SCML1: variants seen among roughly 807,000 people sequenced by gnomAD.
The protein encoded by SCML1 is Scm polycomb group protein like 1, also known as sex comb on midleg-like protein 1.
For synonymous variants in SCML1, 104 were observed against 103.6 expected, an observed-to-expected ratio of 1.00 and a Z score of -0.02; for missense variants, 137 against 258.1, an observed-to-expected ratio of 0.53 and a Z score of 3.22.
chrX:17,748,117 G>A (rs2066660445), intron 4 of SCML1, among the ~76,000 whole-genome samples: 1 of 111,728 alleles, frequency 9.0e-6, no homozygotes, highest in African/African-American at 3.3e-5. Flanking sequence ...GAGCTTACAG[G>A]TGATGTTGAT....
At chrX:17,740,104 T>A (rs750617060) in intron 1 of SCML1, among the ~76,000 whole-genome samples, 141 of 111,593 alleles carry the variant, frequency 1.3e-3, no homozygotes, top group African/African-American at 4.5e-3. Flanking sequence ...ACTGTGTAAT[T>A]TTTGGCCTAA....
At chrX:17,738,487 C>T (rs756037776) in intron 1 of SCML1, among the ~76,000 whole-genome samples, 12 of 112,590 alleles carry the variant, frequency 1.1e-4, no homozygotes, top group African/African-American at 3.2e-4. Context: ...CTCACTTGTC[C>T]GGCCTGCGGC....
Position 17,749,615 on chromosome X carries a change from T to C in SCML1, c.303+111T>C, listed in dbSNP as rs780600897. 6 of 515,799 alleles carry C rather than the reference T, an allele frequency of 1.2e-5. No homozygotes were observed. The East Asian group carries it at 2.2e-4, about 19-fold the overall frequency. The allele number at this position is 515,799 out of a possible 1,213,427, so 42.5% of individuals were successfully genotyped here. A position where few individuals can be genotyped will look rare whatever the true frequency, so the allele number is the denominator to read the frequency against. On this transcript the variant is annotated intron_variant, in intron 5 of 7. Transcript: ENST00000380041. ...GTATCTGTGTGAGATTAGCAAGGCA[T>C]GTCTATACTTGTAACAGTAGATGGA...
chrX:17,745,555 A>G lies in SCML1; in HGVS notation c.117+16A>G. On this transcript the variant is annotated intron_variant, in intron 3 of 7. Coordinates refer to ENST00000380041, the MANE Select transcript of SCML1 (RefSeq NM_001037540.3). Reference sequence around the variant, plus strand: ...TGTCAATAAAGTATGTTAATTGCTAATTGCCAAATATATTAACATTTGCTG... The same window carrying G: ...TGTCAATAAAGTATGTTAATTGCTAGTTGCCAAATATATTAACATTTGCTG... 2 of 899,036 alleles carry G rather than the reference A, an allele frequency of 2.2e-6. No homozygotes were observed. The highest frequency in any genetic ancestry group is 3.2e-6 in the Non-Finnish European group (2 of 622,050). The allele number at this position is 899,036 out of a possible 1,213,427, so 74.1% of individuals were successfully genotyped here.
chrX:17,751,028 A>T (rs1376667486), intron 6 of SCML1, among the ~76,000 whole-genome samples: 4 of 112,567 alleles, frequency 3.6e-5, no homozygotes, highest in African/African-American at 1.3e-4. Flanking sequence ...GAGCAGTTAA[A>T]CTGTCTCATA....
intron 6 of SCML1, among the ~76,000 whole-genome samples, chrX:17,751,556 G>C (rs1168124982): frequency 8.9e-6 from 1 of 112,082 alleles, no homozygotes; most frequent in Non-Finnish European, 1.9e-5. Context: ...TGTGATCTTT[G>C]AAACTTTAAT....
Position 17,744,229 on chromosome X carries a change from C to T in SCML1, c.33+10C>T. ...CAGTGAAATCGATGTGGTTTGTATT[C>T]AAATTGAAAATCTGTCTTTGTTCTT... On this transcript the variant is annotated intron_variant, in intron 2 of 7. Transcript: ENST00000380041. 8.4e-7 allele frequency: 1 copy of T among 1,189,376 alleles called. No individual in the cohort carries two copies.
chrX:17,739,926 T>C (rs2066579002), intron 1 of SCML1, among the ~76,000 whole-genome samples: 1 of 110,083 alleles, frequency 9.1e-6, no homozygotes, highest in African/African-American at 3.3e-5. Context: ...TAAACTCATT[T>C]TGTGGGATTT....
chrX:17,738,900 C>T (rs2066567017), intron 1 of SCML1, among the ~76,000 whole-genome samples: 1 of 111,616 alleles, frequency 9.0e-6, no homozygotes, highest in African/African-American at 3.3e-5. Context: ...CACAATCTAG[C>T]CTTGGGCTCT....
At chrX:17,738,735 T>C (rs779100061) in intron 1 of SCML1, among the ~76,000 whole-genome samples, 1 of 112,444 alleles carries the variant, frequency 8.9e-6, no homozygotes, top group East Asian at 2.8e-4. Flanking sequence ...TGAAAATGTC[T>C]TTAATGTCTA....
chrX:17,746,891 C>T (rs2066647341), intron 4 of SCML1, among the ~76,000 whole-genome samples: 2 of 112,017 alleles, frequency 1.8e-5, no homozygotes, highest in Admixed American at 9.3e-5. Flanking sequence ...TGTCCAGGGC[C>T]ATGGTCAGCC....
intron 4 of SCML1, among the ~76,000 whole-genome samples, chrX:17,748,886 G>A (rs140517525): frequency 8.9e-6 from 1 of 112,385 alleles, no homozygotes; most frequent in Admixed American, 9.4e-5. Flanking sequence ...TGCTGACTGC[G>A]TGATTTAAAA....
At chrX:17,737,838 G>C (rs1194970485) in intron 1 of SCML1, 158 bp downstream of exon 1, 1 of 111,756 alleles carries the variant, frequency 8.9e-6, no homozygotes, top group Non-Finnish European at 1.9e-5. Flanking sequence ...CGGTGTGGAG[G>C]GGGGTGCTTT....
chrX:17,754,117 C>T lies in SCML1; in HGVS notation c.*725C>T, dbSNP rs2066740588. ...TTTCAAACAAACTATTATATTAAAA[C>T]TGTCATATTTTGGCTAAGTTTGGAC... On this transcript the variant is annotated 3_prime_UTR_variant, in exon 8 of 8. Coordinates refer to ENST00000380041, the MANE Select transcript of SCML1 (RefSeq NM_001037540.3). 2 of 111,549 alleles carry T rather than the reference C, an allele frequency of 1.8e-5. No individual in the cohort carries two copies. The highest frequency in any genetic ancestry group is 3.8e-5 in the Non-Finnish European group (2 of 53,052). The allele number at this position is 111,549 out of a possible 1,213,427, so 9.2% of individuals were successfully genotyped here.
chrX:17,741,820 C>A (rs1471184457), intron 1 of SCML1, among the ~76,000 whole-genome samples: 1 of 111,257 alleles, frequency 9.0e-6, no homozygotes, highest in Non-Finnish European at 1.9e-5. Context: ...CCCTTGGACA[C>A]CCCTAGTAAA....
Position 17,750,251 on chromosome X carries a change from A to G in SCML1, c.661A>G (p.Asn221Asp). 2.5e-6 allele frequency: 3 copies of G among 1,210,723 alleles called. No homozygotes were observed. The highest frequency in any genetic ancestry group is 3.4e-6 in the Non-Finnish European group (3 of 894,929). The change falls in exon 6 of 8, where the codon AAC becomes GAC. Residue 221 changes from asparagine to aspartate, a missense_variant. Coordinates refer to ENST00000380041, the MANE Select transcript of SCML1 (RefSeq NM_001037540.3). ...LGNPRADSIH[N>D]TYSTDHASAA... ...CAACCCTCGGGCTGACAGCATCCAC[A>G]ACACTTACTCAACTGACCATGCTTC... is the stretch of plus-strand genomic sequence containing the variant.
At position 17,744,147 on chromosome X, in the gene SCML1, TC is replaced by T; in HGVS notation, c.-38del. On this transcript the variant is annotated 5_prime_UTR_variant, in exon 2 of 8. Transcript: ENST00000380041. ...TCCAGCAAGTTTAAAAATAATTAGG[TC>T]CAACTCAGAGGAAGTGGAGTTTCTC... The T allele has an allele frequency of 8.7e-7, 1 of 1,151,710 alleles. No individual in the cohort carries two copies. The highest frequency in any genetic ancestry group is 1.2e-6 in the Non-Finnish European group (1 of 842,261). 94.9% of individuals were successfully genotyped at this position (1,151,710 alleles called of 1,213,427 possible).
At chrX:17,744,345 C>T (rs1015429324) in intron 2 of SCML1, 126 bp downstream of exon 2, 1 of 477,352 alleles carries the variant, frequency 2.1e-6, no homozygotes, top group Non-Finnish European at 3.4e-6. Flanking sequence ...TATATTTTAA[C>T]AGTAATATAT....
intron 1 of SCML1, among the ~76,000 whole-genome samples, chrX:17,740,504 C>CAA (rs749105829): frequency 1.0e-4 from 10 of 95,538 alleles, no homozygotes; most frequent in African/African-American, 1.1e-4. Flanking sequence ...ATTTTACAGA[C>CAA]AAAAAAAAAA....
Sources: allele counts gnomAD v4.1 joint callset (sites outside exome capture counted in the v4.1 genomes callset), GRCh38; gene constraint gnomAD v4.1.1; transcripts MANE v1.5; gene names NCBI Gene and HGNC (gene_info 2026-07-23, HGNC 2026-07-21).